The following CTNNA3 variants were observed in gnomAD, a reference collection of about 807,000 sequenced individuals.
CTNNA3 encodes catenin alpha 3, also known as catenin alpha-3.
CTNNA3 carries 76 observed loss-of-function variants against 95.7 expected under a neutral mutation model. The ratio of observed to expected loss-of-function variants is 0.79; its 90% confidence interval spans 0.66 to 0.96. The LOEUF (loss-of-function observed/expected upper bound fraction) is 0.96. Ranked by LOEUF, CTNNA3 falls within the 40% of genes least tolerant of loss-of-function variation. The pLI is 0.00. For synonymous variants in CTNNA3, 431 were observed against 374.4 expected (o/e 1.15, Z -1.74); for missense variants, 1,191 against 1,089.8 (o/e 1.09, Z -1.31).
At chr10:67,735,018 C>T (rs968165851) in intron 1 of CTNNA3, among the ~76,000 whole-genome samples, 4 of 152,000 alleles carry the variant, frequency 2.6e-5, no homozygotes, top group Non-Finnish European at 4.4e-5. Context: ...CTTCAAGTAA[C>T]ATGTATCACT....
intron 13 of CTNNA3, among the ~76,000 whole-genome samples, chr10:66,261,831 G>A (rs755169959): frequency 6.6e-6 from 1 of 151,858 alleles, no homozygotes; most frequent in Non-Finnish European, 1.5e-5. Flanking sequence ...ATCAACATGA[G>A]ATGGTTTCTT....
intron 5 of CTNNA3, among the ~76,000 whole-genome samples, chr10:67,466,479 C>T (rs773594207): frequency 1.8e-4 from 28 of 152,142 alleles, no homozygotes; most frequent in Non-Finnish European, 5.9e-5. Context: ...AGTTTAGGTG[C>T]TACCATTGCT....
chr10:67,164,561 T>C (rs954928905), intron 7 of CTNNA3, among the ~76,000 whole-genome samples: 6 of 152,022 alleles, frequency 3.9e-5, no homozygotes, highest in African/African-American at 1.2e-4. Flanking sequence ...ACAAAAAGCA[T>C]GACACATAAA....
chr10:67,125,005 G>A (rs1362851149), intron 7 of CTNNA3, among the ~76,000 whole-genome samples: 1 of 152,180 alleles, frequency 6.6e-6, no homozygotes, highest in African/African-American at 2.4e-5. Context: ...AGGTGAGTCT[G>A]TAATCAATGA....
intron 9 of CTNNA3, among the ~76,000 whole-genome samples, chr10:66,705,332 G>C (rs908476279): frequency 6.6e-5 from 10 of 151,866 alleles, no homozygotes; most frequent in African/African-American, 2.4e-4. Flanking sequence ...TTTTTATAAT[G>C]TCTTTGGTTT....
chr10:66,548,545 T>G (rs977221744), intron 10 of CTNNA3, among the ~76,000 whole-genome samples: 3 of 152,144 alleles, frequency 2.0e-5, no homozygotes, highest in Admixed American at 1.3e-4. Context: ...ATTATTCCAT[T>G]AGATGTTATA....
intron 5 of CTNNA3, among the ~76,000 whole-genome samples, chr10:67,402,147 T>G (rs541311886): frequency 6.6e-6 from 1 of 152,174 alleles, no homozygotes; most frequent in Non-Finnish European, 1.5e-5. Flanking sequence ...AAGAAGCTCA[T>G]TGAGATCAAG....
intron 10 of CTNNA3, among the ~76,000 whole-genome samples, chr10:66,568,083 A>G (rs1842766346): frequency 6.6e-6 from 1 of 152,208 alleles, no homozygotes; most frequent in Non-Finnish European, 1.5e-5. Flanking sequence ...CAACAAGACA[A>G]TCAAGAAAAA....
chr10:67,178,225 G>A (rs1222959582), intron 7 of CTNNA3, among the ~76,000 whole-genome samples: 1 of 152,140 alleles, frequency 6.6e-6, no homozygotes, highest in African/African-American at 2.4e-5. Flanking sequence ...GGCCACAGAT[G>A]CCTGTGAGGG....
intron 10 of CTNNA3, among the ~76,000 whole-genome samples, chr10:66,592,038 G>T (rs1843569093): frequency 6.7e-6 from 1 of 150,278 alleles, no homozygotes; most frequent in South Asian, 2.1e-4. Context: ...TTGGAATGTA[G>T]ACTTTATAGT....
At chr10:66,788,096 T>G (rs1301603606) in intron 7 of CTNNA3, among the ~76,000 whole-genome samples, 1 of 152,206 alleles carries the variant, frequency 6.6e-6, no homozygotes, top group African/African-American at 2.4e-5. Context: ...TAATTAGCAC[T>G]GAACAAAACT....
chr10:67,658,931 G>A (rs1256877493), intron 1 of CTNNA3, among the ~76,000 whole-genome samples: 4 of 151,996 alleles, frequency 2.6e-5, no homozygotes, highest in Non-Finnish European at 2.9e-5. Flanking sequence ...CCATCTTATT[G>A]ATGTTTTTGA....
intron 9 of CTNNA3, among the ~76,000 whole-genome samples, chr10:66,744,756 T>C (rs1320242965): frequency 6.6e-6 from 1 of 152,180 alleles, no homozygotes; most frequent in Non-Finnish European, 1.5e-5. Context: ...GCTTACCAAA[T>C]GGCATAGAGA....
intron 5 of CTNNA3, among the ~76,000 whole-genome samples, chr10:67,369,536 T>C (rs1056502858): frequency 6.6e-6 from 1 of 152,030 alleles, no homozygotes; most frequent in Non-Finnish European, 1.5e-5. Flanking sequence ...ATGGCGAAAA[T>C]ACACCATAAG....
intron 15 of CTNNA3, among the ~76,000 whole-genome samples, chr10:66,066,769 A>G (rs2080321099): frequency 6.6e-6 from 1 of 152,210 alleles, no homozygotes; most frequent in Admixed American, 6.5e-5. Flanking sequence ...ATTATATTGT[A>G]AAGAGTAAGT....
intron 7 of CTNNA3, among the ~76,000 whole-genome samples, chr10:66,931,558 G>A (rs114114376): frequency 1.6e-3 from 239 of 152,304 alleles, no homozygotes; most frequent in African/African-American, 5.4e-3. Flanking sequence ...GACCTCTAGT[G>A]TCTGGTTAGA....
intron 11 of CTNNA3, among the ~76,000 whole-genome samples, chr10:66,518,045 G>A (rs1332491863): frequency 6.6e-6 from 1 of 152,016 alleles, no homozygotes; most frequent in African/African-American, 2.4e-5. Flanking sequence ...GTTTGCTAGG[G>A]CTAGTAACCC....
chr10:67,136,401 T>G (rs1380322717), intron 7 of CTNNA3, among the ~76,000 whole-genome samples: 1 of 152,166 alleles, frequency 6.6e-6, no homozygotes, highest in Non-Finnish European at 1.5e-5. Context: ...TATTTTTAAT[T>G]AAATTTCTAT....
At chr10:67,127,139 T>C (rs1383266568) in intron 7 of CTNNA3, among the ~76,000 whole-genome samples, 1 of 152,206 alleles carries the variant, frequency 6.6e-6, no homozygotes, top group Non-Finnish European at 1.5e-5. Flanking sequence ...TTTTGTACAT[T>C]TGTATTTAGA....
Sources: gnomAD v4.1 joint callset for allele counts (sites outside exome capture counted in the v4.1 genomes callset) on GRCh38, gnomAD v4.1.1 for gene constraint, MANE v1.5 for transcripts, NCBI Gene and HGNC (gene_info 2026-07-23, HGNC 2026-07-21) for gene names.